The following CARD9 variants were observed in gnomAD, a reference collection of about 807,000 sequenced individuals.
CARD9 encodes caspase recruitment domain-containing protein 9.
Under a neutral mutation model 66.0 loss-of-function variants are expected in CARD9, and 53 were observed. The ratio of observed to expected loss-of-function variants is 0.80; its 90% CI spans 0.64 to 1.01. CARD9 has a LOEUF of 1.01. Ranked by LOEUF, CARD9 falls within the 50% of genes least tolerant of loss-of-function variation. The pLI is 0.00. For missense variants in CARD9, 769 were observed against 743.2 expected, an observed-to-expected ratio of 1.03 and a Z score of -0.40; for synonymous variants, 387 against 313.8, an observed-to-expected ratio of 1.23 and a Z score of -2.47.
chr9:136,364,243 C>G lies in CARD9; in HGVS notation c.*59G>C, dbSNP rs759403881. 44 of 1,550,454 alleles carry G rather than the reference C, an allele frequency of 2.8e-5. No individual in the cohort carries two copies. In the African/African-American group the frequency reaches 3.4e-4, roughly 12 times the overall value. ...TCTGCGCCCCAGGGCGTCGGCACCC[C>G]CGGGTGGCAGGAGGCCGGGCCGGTG... On this transcript the variant is annotated 3_prime_UTR_variant, in exon 13 of 13. Transcript: ENST00000371732.
rs1833287970 is a variant in CARD9, at chr9:136,371,997, A to AG, written c.81dup (p.Ser28LeufsTer17). The AG allele has an allele frequency of 6.2e-7, 1 of 1,612,622 alleles. No individual in the cohort carries two copies. On this transcript the variant is annotated frameshift_variant, in exon 2 of 13. Coordinates refer to ENST00000371732, the MANE Select transcript of CARD9 (RefSeq NM_052813.5). LOFTEE classifies it high-confidence loss of function. Reference sequence around the variant, plus strand: ...TGCCGCAGGTAAGGTGTGATGCGTGAGGGGTCGATGACCGAGGTGAGCGTC... The same window carrying AG: ...TGCCGCAGGTAAGGTGTGATGCGTGAGGGGGTCGATGACCGAGGTGAGCGTC...
chr9:136,371,795 C>G, intron 2 of CARD9, 100 bp downstream of exon 2: 1 of 1,514,278 alleles, frequency 6.6e-7, no homozygotes, highest in Non-Finnish European at 8.9e-7. Flanking sequence ...CCAGGCGGGG[C>G]TCTCCTGGGG....
At chr9:136,365,429 G>A (rs1392189275) in intron 10 of CARD9, 5 of 585,656 alleles carry the variant, frequency 8.5e-6, no homozygotes, top group Middle Eastern at 4.5e-4. Context: ...GCCGCCAGAT[G>A]CCAGCCCAGG....
At chr9:136,371,482 A>C in intron 2 of CARD9, 21 bp from the exon 3 acceptor site, 1 of 1,422,804 alleles carries the variant, frequency 7.0e-7, no homozygotes, top group African/African-American at 1.4e-5. Flanking sequence ...GAGAGGCCTA[A>C]CTGGGGGCGG....
chr9:136,364,451 GT>G, intron 12 of CARD9, 31 bp downstream of exon 12: 1 of 1,541,200 alleles, frequency 6.5e-7, no homozygotes, highest in Non-Finnish European at 8.7e-7. Context: ...TCCCCAGCCC[GT>G]TTTGGAGAAG....
rs1231385727 is a variant in CARD9, at chr9:136,366,887, A to G, written c.1312-42T>C. The G allele has an allele frequency of 4.3e-6, 7 of 1,610,552 alleles. No homozygotes were observed. In the Admixed American group the frequency reaches 5.0e-5, roughly 12 times the overall value. On this transcript the variant is annotated intron_variant, in intron 9 of 12. Coordinates refer to ENST00000371732, the MANE Select transcript of CARD9 (RefSeq NM_052813.5). Reference sequence around the variant, plus strand: ...AGATGTCCCATTAGGCCACTTCGCCAAGGACTGGACCCGGCCACACTGCCC... The same window carrying G: ...AGATGTCCCATTAGGCCACTTCGCCGAGGACTGGACCCGGCCACACTGCCC...
intron 3 of CARD9, 28 bp downstream of exon 3, chr9:136,371,296 T>TGTCGGCCCCGCCTCCCCC: frequency 6.3e-7 from 1 of 1,588,864 alleles, no homozygotes; most frequent in Non-Finnish European, 8.6e-7. Flanking sequence ...GCGCCTCCCC[T>TGTCGGCCCCGCCTCCCCC]GTCGGCCCCG....
At chr9:136,370,246 A>C in intron 6 of CARD9, 48 bp downstream of exon 6, 1 of 1,583,242 alleles carries the variant, frequency 6.3e-7, no homozygotes, top group South Asian at 1.1e-5. Flanking sequence ...CAGCCCGTCC[A>C]GCCTGGCTTG....
Position 136,364,068 on chromosome 9 carries a change from A to G in CARD9, c.*234T>C. The G allele has an allele frequency of 6.5e-7, 1 of 1,545,966 alleles. No individual in the cohort carries two copies. The highest frequency in any genetic ancestry group is 1.2e-5 in the South Asian group (1 of 83,972). On this transcript the variant is annotated 3_prime_UTR_variant, in exon 13 of 13. Transcript: ENST00000371732. ...CAGAACAGATCCTGAAGTTACACAGATGGCGTGTGCATGGGGGTGGTGAGC... is the reference window on the plus strand; with the variant it reads ...CAGAACAGATCCTGAAGTTACACAGGTGGCGTGTGCATGGGGGTGGTGAGC...
At chr9:136,364,964 G>GGA in intron 11 of CARD9, 177 bp downstream of exon 11, 1 of 630,428 alleles carries the variant, frequency 1.6e-6, no homozygotes, top group South Asian at 1.9e-5. Context: ...AAGAAAGGGG[G>GGA]ATCCACTTCG....
At chr9:136,368,692 C>CGTA (rs1219030933) in intron 7 of CARD9, among the ~76,000 whole-genome samples, 1 of 152,238 alleles carries the variant, frequency 6.6e-6, no homozygotes, top group Non-Finnish European at 1.5e-5. Context: ...GCTCACAGCA[C>CGTA]GTAGCACTGG....
intron 6 of CARD9, 123 bp from the exon 7 acceptor site, chr9:136,369,998 TA>T (rs1370795309): frequency 1.3e-6 from 2 of 1,527,094 alleles, no homozygotes; most frequent in Non-Finnish European, 1.8e-6. Flanking sequence ...GGGGAGGCCA[TA>T]GGAGTCCCCA....
intron 9 of CARD9, 86 bp from the exon 10 acceptor site, chr9:136,366,931 C>T: frequency 6.9e-7 from 1 of 1,452,776 alleles, no homozygotes; most frequent in East Asian, 2.3e-5. Context: ...CCTTGGCCCT[C>T]AGCTGGGTGC....
chr9:136,364,992 C>T (rs1272481950), intron 11 of CARD9, 149 bp downstream of exon 11: 2 of 719,256 alleles, frequency 2.8e-6, no homozygotes, highest in Non-Finnish European at 4.6e-6. Context: ...GACACCGCAC[C>T]CCGAGCACTG....
intron 10 of CARD9, chr9:136,366,566 A>G (rs779733700): frequency 3.4e-6 from 2 of 585,970 alleles, no homozygotes; most frequent in Non-Finnish European, 3.1e-6. Flanking sequence ...CACACTCTCC[A>G]CCCCAGGGGA....
chr9:136,373,333 G>T (rs1426898661), intron 1 of CARD9, among the ~76,000 whole-genome samples, 199 bp downstream of exon 1: 1 of 152,226 alleles, frequency 6.6e-6, no homozygotes. Context: ...GAAATGCAGG[G>T]TCCCATCTGC....
intron 11 of CARD9, chr9:136,364,834 C>T (rs1354843876): frequency 1.7e-5 from 10 of 596,498 alleles, no homozygotes; most frequent in Admixed American, 6.0e-5. Flanking sequence ...CAACAAAGCC[C>T]GAGGTGGTGC....
chr9:136,365,177 T>C lies in CARD9; in HGVS notation c.1398A>G (p.Ala466=). The change falls in exon 11 of 13, where the codon GCA becomes GCG. Residue 466 remains alanine (A), a synonymous_variant. Coordinates refer to ENST00000371732, the MANE Select transcript of CARD9 (RefSeq NM_052813.5). ...GCAAAACCTGCTCCTGGTGCAGAGC[T>C]GCAAAGGGCTGTTTCGGGCTCCCCC... ...AGGGSPKQPF[A]ALHQEQVLRN... 1.2e-6 allele frequency: 2 copies of C among 1,611,432 alleles called. No individual in the cohort carries two copies. The highest frequency in any genetic ancestry group is 2.2e-5 in the East Asian group (1 of 44,836).
chr9:136,368,916 T>A (rs1226396570), intron 7 of CARD9, among the ~76,000 whole-genome samples: 4 of 151,808 alleles, frequency 2.6e-5, no homozygotes, highest in Non-Finnish European at 5.9e-5. Flanking sequence ...GCCTCCTGGG[T>A]TCAAGCAATT....
Sources: allele counts gnomAD v4.1 joint callset (sites outside exome capture counted in the v4.1 genomes callset), GRCh38; gene constraint gnomAD v4.1.1; transcripts MANE v1.5; gene names NCBI Gene and HGNC (gene_info 2026-07-23, HGNC 2026-07-21).